Variants in GRIA3 observed in about 807,000 individuals in gnomAD.
GRIA3 encodes the protein glutamate ionotropic receptor AMPA type subunit 3.
A neutral mutation model predicts 63.0 loss-of-function variants in GRIA3; 3 were observed. The ratio of observed to expected loss-of-function variants is 0.05; its 90% CI spans 0.02 to 0.12. The LOEUF (loss-of-function observed/expected upper bound fraction) is 0.12, where lower values mean the gene tolerates loss of function less well. Ranked by LOEUF, GRIA3 falls within the 10% of genes least tolerant of loss-of-function variation. The pLI, the probability that GRIA3 is intolerant of heterozygous loss-of-function variation, is 1.00. For synonymous variants in GRIA3, 274 were observed against 257.9 expected (o/e 1.06, Z -0.60); for missense variants, 347 against 700.9 (o/e 0.50, Z 5.70).
At chrX:123,392,105 C>CTACTGCTG (rs1406332250) in intron 5 of GRIA3, among the ~76,000 whole-genome samples, 1 of 112,237 alleles carries the variant, frequency 8.9e-6, no homozygotes, top group Non-Finnish European at 1.9e-5. Context: ...TGCTGCAGCC[C>CTACTGCTG]TACTGCTGGA....
At position 123,299,918 on chromosome X, in the gene GRIA3, T is replaced by C. The variant is rs868018791; in HGVS notation, c.509-26108T>C. On this transcript the variant is annotated intron_variant, in intron 3 of 15. Coordinates refer to ENST00000620443, the MANE Select transcript of GRIA3 (RefSeq NM_007325.5). ...GTATGCTCCTTCAATACCTAGTTTATTTAGAGTTTTTTAACATAAACAGAT... is the reference window on the plus strand; with the variant it reads ...GTATGCTCCTTCAATACCTAGTTTACTTAGAGTTTTTTAACATAAACAGAT... 8.8e-4 allele frequency among the ~76,000 whole-genome samples: 32 copies of C among 36,168 alleles called. No homozygotes were observed. The Middle Eastern group carries it at 0.051, about 57-fold the overall frequency. 31.4% of individuals were successfully genotyped at this position (36,168 alleles called of 115,157 possible).
chrX:123,449,808 A>G (rs2045721257), intron 12 of GRIA3, among the ~76,000 whole-genome samples: 3 of 112,020 alleles, frequency 2.7e-5, no homozygotes, highest in Admixed American at 9.5e-5. Flanking sequence ...TCTGTGCCAC[A>G]GTAGGACTGA....
chrX:123,213,216 A>G lies in GRIA3; in HGVS notation c.268+27226A>G, dbSNP rs142034182. Among the ~76,000 whole-genome samples, 539 of 112,292 alleles carry G rather than the reference A, an allele frequency of 4.8e-3. 7 individuals carry two copies. The highest frequency in any genetic ancestry group is 0.017 in the African/African-American group (520 of 30,921). ...TTCCATGAAACCGGTCTCTGGTGCC[A>G]AAAAGGTTGAGAACTGCTGGTCTAC... On this transcript the variant is annotated intron_variant, in intron 2 of 15. Transcript: ENST00000620443.
chrX:123,378,762 T>C (rs1164707930), intron 5 of GRIA3, among the ~76,000 whole-genome samples: 2 of 111,259 alleles, frequency 1.8e-5, no homozygotes, highest in Non-Finnish European at 3.8e-5. Flanking sequence ...TAGCAAGAGT[T>C]GTGGGCAAGT....
At chrX:123,253,609 T>C (rs2044403086) in intron 3 of GRIA3, 67 bp downstream of exon 3, 1 of 925,877 alleles carries the variant, frequency 1.1e-6, no homozygotes, top group Admixed American at 2.2e-5. Flanking sequence ...CCTCAGCTTA[T>C]GTGCCCTTTG....
At chrX:123,218,954 T>C (rs1928227954) in intron 2 of GRIA3, among the ~76,000 whole-genome samples, 1 of 111,726 alleles carries the variant, frequency 9.0e-6, no homozygotes, top group Admixed American at 9.5e-5. Context: ...TAGAGCAGTT[T>C]GATTGGCAAG....
chrX:123,262,115 C>T (rs1277619765), intron 3 of GRIA3, among the ~76,000 whole-genome samples: 9 of 111,768 alleles, frequency 8.1e-5, no homozygotes, highest in African/African-American at 2.6e-4. Context: ...GCGGTATAGA[C>T]CTGCAACTGT....
At chrX:123,466,067 G>A in intron 13 of GRIA3, among the ~76,000 whole-genome samples, 1 of 111,702 alleles carries the variant, frequency 9.0e-6, no homozygotes, top group South Asian at 3.8e-4. Flanking sequence ...GCCATGATGT[G>A]GGTTTCAATG....
chrX:123,246,879 C>CAA (rs11435824), intron 2 of GRIA3, among the ~76,000 whole-genome samples: 110 of 92,041 alleles, frequency 1.2e-3, no homozygotes, highest in South Asian at 2.8e-3. Flanking sequence ...TACTGTCTTT[C>CAA]AAAAAAAAAA....
chrX:123,383,305 G>A (rs1028142767), intron 5 of GRIA3, among the ~76,000 whole-genome samples: 1 of 111,007 alleles, frequency 9.0e-6, no homozygotes, highest in Non-Finnish European at 1.9e-5. Flanking sequence ...CCCCTCTTCT[G>A]GCTACCATGA....
intron 1 of GRIA3, among the ~76,000 whole-genome samples, chrX:123,185,160 G>A (rs1311287320): frequency 1.8e-5 from 2 of 111,428 alleles, no homozygotes; most frequent in African/African-American, 6.5e-5. Flanking sequence ...TCCCAGACCC[G>A]GGCAGCAGCA....
intron 2 of GRIA3, among the ~76,000 whole-genome samples, chrX:123,194,086 G>A (rs1487370758): frequency 9.0e-6 from 1 of 110,968 alleles, no homozygotes; most frequent in Non-Finnish European, 1.9e-5. Flanking sequence ...AGCTGCCTTT[G>A]ACCGAAGTCA....
At chrX:123,222,987 T>G (rs1396384596) in intron 2 of GRIA3, among the ~76,000 whole-genome samples, 2 of 112,377 alleles carry the variant, frequency 1.8e-5, no homozygotes, top group African/African-American at 3.2e-5. Context: ...AGATCTACTT[T>G]TAATGCTATG....
chrX:123,309,666 C>G (rs1034231864), intron 3 of GRIA3, among the ~76,000 whole-genome samples: 2 of 111,456 alleles, frequency 1.8e-5, no homozygotes, highest in African/African-American at 6.5e-5. Context: ...AGGGGGTTGT[C>G]AAACAGTGTT....
At chrX:123,339,160 C>T (rs1230416789) in intron 4 of GRIA3, among the ~76,000 whole-genome samples, 2 of 112,018 alleles carry the variant, frequency 1.8e-5, no homozygotes, top group Non-Finnish European at 3.8e-5. Flanking sequence ...CCATCTCAGA[C>T]TAGGTTCTTT....
chrX:123,490,437 T>C lies in GRIA3; in HGVS notation c.*1727T>C, dbSNP rs1456796946. On this transcript the variant is annotated 3_prime_UTR_variant, in exon 16 of 16. Transcript: ENST00000620443. ...TTTTCATGAAACTGTGATTTTCAAC[T>C]TATGAATGCTATAATGTCCCAGCGC... 8.9e-6 allele frequency: 1 copy of C among 112,859 alleles called. No homozygotes were observed. The highest frequency in any genetic ancestry group is 3.2e-5 in the African/African-American group (1 of 30,928). The allele number at this position is 112,859 out of a possible 1,213,427, so 9.3% of individuals were successfully genotyped here.
At position 123,482,785 on chromosome X, in the gene GRIA3, T is replaced by C. The variant is rs1336242220; in HGVS notation, c.2440-14T>C. 2 of 1,210,435 alleles carry C rather than the reference T, an allele frequency of 1.7e-6. No individual in the cohort carries two copies. Among genetic ancestry groups the C allele is most frequent in the Admixed American group, 4.3e-5 (2 of 46,084 alleles). On this transcript the variant is annotated splice_polypyrimidine_tract_variant and intron_variant, in intron 14 of 15. Coordinates refer to ENST00000620443, the MANE Select transcript of GRIA3 (RefSeq NM_007325.5). ...TTTTCCCCAAGATCTAATCACGTTG[T>C]TCATTTCTCTTAGGACAAGACCAGC...
chrX:123,435,360 A>G (rs2045638765), intron 12 of GRIA3, among the ~76,000 whole-genome samples: 1 of 111,941 alleles, frequency 8.9e-6, no homozygotes, highest in African/African-American at 3.3e-5. Context: ...ATTACTACAC[A>G]ATCCACACAA....
intron 4 of GRIA3, among the ~76,000 whole-genome samples, chrX:123,331,014 G>C (rs1173020266): frequency 9.0e-6 from 1 of 111,091 alleles, no homozygotes; most frequent in Non-Finnish European, 1.9e-5. Context: ...TATCTAAAAG[G>C]CTGTCCCCTT....
Sources: gnomAD v4.1 joint callset for allele counts (sites outside exome capture counted in the v4.1 genomes callset) on GRCh38, gnomAD v4.1.1 for gene constraint, MANE v1.5 for transcripts, NCBI Gene and HGNC (gene_info 2026-07-23, HGNC 2026-07-21) for gene names.